COL22A1: variants seen among roughly 807,000 people sequenced by gnomAD.
COL22A1 encodes the protein collagen type XXII alpha 1 chain, also known as collagen alpha-1(XXII) chain.
In COL22A1, 221 loss-of-function variants were observed where a neutral mutation model predicts 248.9. The ratio of observed to expected loss-of-function variants is 0.89; its 90% CI spans 0.80 to 0.99. The LOEUF (loss-of-function observed/expected upper bound fraction) is 0.99, where lower values mean the gene tolerates loss of function less well. COL22A1 is among the 50% of genes least tolerant of loss of function. COL22A1 has a pLI of 0.00. For synonymous variants in COL22A1, 891 were observed against 793.4 expected (o/e 1.12, Z -2.07); for missense variants, 2,240 against 2,179.0 (o/e 1.03, Z -0.56).
Position 138,700,095 on chromosome 8 carries a change from G to A in COL22A1, c.2592+17C>T, listed in dbSNP as rs763996322. On this transcript the variant is annotated intron_variant, in intron 32 of 64. Transcript: ENST00000303045. Reference sequence around the variant, plus strand: ...GCCGAGGCACACTGGGCACCCCGAGGCACCGCTACTACTTACGGGCATCCG... The same window carrying A: ...GCCGAGGCACACTGGGCACCCCGAGACACCGCTACTACTTACGGGCATCCG... 8.1e-6 allele frequency: 13 copies of A among 1,612,568 alleles called. No homozygotes were observed. The East Asian group carries it at 2.7e-4, about 33-fold the overall frequency.
intron 41 of COL22A1, among the ~76,000 whole-genome samples, chr8:138,664,209 G>GCGCGCGCACACACACACACACA (rs1440442280): frequency 9.7e-6 from 1 of 103,156 alleles, no homozygotes; most frequent in Non-Finnish European, 1.9e-5. Flanking sequence ...GCGCGCGCGC[G>GCGCGCGCACACACACACACACA]CACACACACA....
intron 51 of COL22A1, 107 bp from the exon 52 acceptor site, chr8:138,623,892 T>C (rs896939656): frequency 1.8e-5 from 17 of 919,310 alleles, no homozygotes; most frequent in African/African-American, 3.3e-5. Flanking sequence ...GCAGTTGCCT[T>C]CACAGTTGGC....
At chr8:138,840,587 A>AGTT (rs1473128072) in intron 4 of COL22A1, among the ~76,000 whole-genome samples, 1 of 151,650 alleles carries the variant, frequency 6.6e-6, no homozygotes, top group African/African-American at 2.4e-5. Flanking sequence ...AGCAAGAATC[A>AGTT]GTTATTATTA....
In COL22A1 at chr8:138,693,607, G is replaced by A. The variant is rs183582017; in HGVS notation, c.2754+39C>T. 4.8e-3 allele frequency: 7,407 copies of A among 1,555,960 alleles called. 36 individuals carry two copies. The highest frequency in any genetic ancestry group is 7.1e-3 in the Middle Eastern group (41 of 5,752). The stretch of plus-strand genomic sequence containing the variant: ...CAGACACTGGGCGGGGCCTCCCTCC[G>A]GGGCTCCCCCACGAGGCAGGCCGAT... On this transcript the variant is annotated intron_variant, in intron 35 of 64. Transcript: ENST00000303045.
chr8:138,655,943 C>T lies in COL22A1; in HGVS notation c.3287G>A (p.Gly1096Asp), dbSNP rs763156992. 12 of 1,610,822 alleles carry T rather than the reference C, an allele frequency of 7.4e-6. No individual in the cohort carries two copies. The highest frequency in any genetic ancestry group is 3.3e-5 in the Admixed American group (2 of 59,860). The change falls in exon 45 of 65, where the codon GGC becomes GAC. Residue 1096 changes from glycine (G) to aspartate (D), a missense_variant and splice_region_variant. Physicochemically the swap from Gly to Asp is moderately conservative, Grantham distance 94 (BLOSUM62 -1). Coordinates refer to ENST00000303045, the MANE Select transcript of COL22A1 (RefSeq NM_152888.3). ...PGERGPPGKP[G>D]LSSLLSPGDI... ...CCCTGGAGACAGTAGTGAAGAGAGGCCCTGTCAAAATAAAAAGAAACAAAC... is the reference window on the plus strand; with the variant it reads ...CCCTGGAGACAGTAGTGAAGAGAGGTCCTGTCAAAATAAAAAGAAACAAAC...
At chr8:138,728,715 GA>G (rs949147316) in intron 23 of COL22A1, among the ~76,000 whole-genome samples, 12 of 152,032 alleles carry the variant, frequency 7.9e-5, no homozygotes, top group Non-Finnish European at 1.2e-4. Context: ...GAGGCCCAAA[GA>G]GGGTCAGGAC....
intron 12 of COL22A1, among the ~76,000 whole-genome samples, chr8:138,789,564 G>A (rs1348680292): frequency 6.6e-6 from 1 of 152,184 alleles, no homozygotes; most frequent in Non-Finnish European, 1.5e-5. Context: ...ATATTTTCTG[G>A]TTCAGAGGCT....
intron 8 of COL22A1, among the ~76,000 whole-genome samples, chr8:138,812,621 C>A (rs1477455768): frequency 6.6e-6 from 1 of 152,122 alleles, no homozygotes; most frequent in Admixed American, 6.5e-5. Flanking sequence ...CTCCTCTGGG[C>A]GCTGGTGGCA....
intron 36 of COL22A1, 84 bp from the exon 37 acceptor site, chr8:138,689,054 T>C: frequency 1.8e-6 from 2 of 1,110,180 alleles, no homozygotes; most frequent in East Asian, 2.3e-5. Flanking sequence ...GGAAGAATCA[T>C]CAGGTCCCCC....
At chr8:138,724,178 G>T (rs1830119052) in intron 25 of COL22A1, among the ~76,000 whole-genome samples, 1 of 152,170 alleles carries the variant, frequency 6.6e-6, no homozygotes, top group Non-Finnish European at 1.5e-5. Context: ...TGCCCCCTAA[G>T]ATCCCCCAGG....
chr8:138,589,158 A>G lies in COL22A1; in HGVS notation c.*95T>C, dbSNP rs1816823561. ...TAAAAGAAAGAAAAAAAAAAGGAAC[A>G]CATGGCTGAAGTCTTTCAAGACCTC... On this transcript the variant is annotated 3_prime_UTR_variant, in exon 65 of 65. Coordinates refer to ENST00000303045, the MANE Select transcript of COL22A1 (RefSeq NM_152888.3). 2 of 1,130,596 alleles carry G rather than the reference A, an allele frequency of 1.8e-6. No homozygotes were observed. The highest frequency in any genetic ancestry group is 2.7e-5 in the East Asian group (1 of 37,542). The allele number at this position is 1,130,596 out of a possible 1,614,324, so 70.0% of individuals were successfully genotyped here.
At chr8:138,613,024 A>G (rs1292006912) in intron 56 of COL22A1, among the ~76,000 whole-genome samples, 1 of 150,386 alleles carries the variant, frequency 6.6e-6, no homozygotes, top group African/African-American at 2.4e-5. Flanking sequence ...CGAGGCGGGC[A>G]GATTATGAGG....
intron 1 of COL22A1, among the ~76,000 whole-genome samples, chr8:138,895,425 T>A: frequency 6.7e-6 from 1 of 148,226 alleles, no homozygotes; most frequent in African/African-American, 2.5e-5. Context: ...TTGAAACAAA[T>A]GAAAAAATAG....
intron 7 of COL22A1, among the ~76,000 whole-genome samples, chr8:138,814,198 C>G (rs1227020994): frequency 6.6e-6 from 1 of 152,244 alleles, no homozygotes; most frequent in Non-Finnish European, 1.5e-5. Flanking sequence ...CAAACCACAC[C>G]TGCACATTCA....
At chr8:138,837,952 G>C (rs2131841749) in intron 4 of COL22A1, among the ~76,000 whole-genome samples, 1 of 152,266 alleles carries the variant, frequency 6.6e-6, no homozygotes, top group East Asian at 1.9e-4. Flanking sequence ...GTGCCTTGCA[G>C]GGTTGTCACC....
intron 57 of COL22A1, 39 bp downstream of exon 57, chr8:138,607,897 C>T: frequency 6.2e-7 from 1 of 1,601,296 alleles, no homozygotes. Flanking sequence ...TTTCAAAGCC[C>T]ACCCTGATGC....
chr8:138,638,683 G>A (rs115293451), intron 47 of COL22A1, among the ~76,000 whole-genome samples: 123 of 152,236 alleles, frequency 8.1e-4, no homozygotes, highest in African/African-American at 2.8e-3. Context: ...ATTTTTCCAC[G>A]TAATTATTTT....
intron 17 of COL22A1, 33 bp from the exon 18 acceptor site, chr8:138,760,320 G>C: frequency 6.3e-7 from 1 of 1,585,496 alleles, no homozygotes; most frequent in Non-Finnish European, 8.6e-7. Flanking sequence ...AGATTATGAT[G>C]GGCACTACGG....
intron 47 of COL22A1, among the ~76,000 whole-genome samples, chr8:138,641,109 C>T (rs1324609393): frequency 6.6e-6 from 1 of 152,164 alleles, no homozygotes; most frequent in African/African-American, 2.4e-5. Flanking sequence ...TAAGGTGATG[C>T]TTGGTGAGAA....
Sources: allele counts gnomAD v4.1 joint callset (sites outside exome capture counted in the v4.1 genomes callset), GRCh38; gene constraint gnomAD v4.1.1; transcripts MANE v1.5; gene names NCBI Gene and HGNC (gene_info 2026-07-23, HGNC 2026-07-21).